The following THSD7A variants were observed in gnomAD, a reference collection of about 807,000 sequenced individuals.
THSD7A encodes the protein thrombospondin type-1 domain-containing protein 7A.
Under a neutral mutation model 231.3 loss-of-function variants are expected in THSD7A, and 96 were observed. The observed-to-expected ratio is 0.41, with a 90% CI of 0.35 to 0.49. The LOEUF (loss-of-function observed/expected upper bound fraction) is 0.49. Ranked by LOEUF, THSD7A falls within the 20% of genes least tolerant of loss-of-function variation. The probability of loss-of-function intolerance (pLI) is 0.05; values close to 1 mark genes in which losing one functional copy is unlikely to be tolerated. For missense variants in THSD7A, 2,290 were observed against 2,070.2 expected (o/e 1.11, Z -2.06); for synonymous variants, 940 against 743.3 (o/e 1.26, Z -4.30).
chr7:11,569,524 T>C (rs555748725), intron 4 of THSD7A, among the ~76,000 whole-genome samples: 21 of 152,220 alleles, frequency 1.4e-4, no homozygotes, highest in African/African-American at 5.1e-4. Context: ...TGAGAAAACA[T>C]AAGAAATGCT....
chr7:11,612,701 A>G (rs927985989), intron 2 of THSD7A, among the ~76,000 whole-genome samples: 2 of 152,206 alleles, frequency 1.3e-5, no homozygotes, highest in Non-Finnish European at 2.9e-5. Context: ...ATCGTAATTT[A>G]TATTCTGATA....
chr7:11,781,769 A>AAAATAGTT (rs1181944657), intron 1 of THSD7A, among the ~76,000 whole-genome samples: 2 of 152,206 alleles, frequency 1.3e-5, no homozygotes, highest in African/African-American at 4.8e-5. Context: ...CCTATTTTGA[A>AAAATAGTT]AAATAGTTGT....
intron 13 of THSD7A, among the ~76,000 whole-genome samples, chr7:11,437,201 G>A (rs530917367): frequency 6.6e-6 from 1 of 152,150 alleles, no homozygotes; most frequent in South Asian, 2.1e-4. Flanking sequence ...TTGAGGTGTC[G>A]GAACATGAAC....
chr7:11,754,638 C>T (rs1222838444), intron 1 of THSD7A, among the ~76,000 whole-genome samples: 1 of 152,040 alleles, frequency 6.6e-6, no homozygotes, highest in African/African-American at 2.4e-5. Flanking sequence ...TCTATTTAAA[C>T]AAATTCTTGT....
intron 11 of THSD7A, among the ~76,000 whole-genome samples, chr7:11,451,759 A>G (rs886529892): frequency 6.6e-6 from 1 of 152,038 alleles, no homozygotes; most frequent in African/African-American, 2.4e-5. Flanking sequence ...GGATGTGTAA[A>G]TGGAAGGCTA....
chr7:11,460,884 C>T, intron 10 of THSD7A, 119 bp from the exon 11 acceptor site: 1 of 698,648 alleles, frequency 1.4e-6, no homozygotes, highest in Non-Finnish European at 2.4e-6. Flanking sequence ...TAGCAATGCT[C>T]AGTTCTATCT....
chr7:11,627,809 C>T (rs1349923762), intron 2 of THSD7A, among the ~76,000 whole-genome samples: 3 of 152,074 alleles, frequency 2.0e-5, no homozygotes, highest in Non-Finnish European at 4.4e-5. Context: ...TGCCTAGTTG[C>T]TCTATCATTT....
At chr7:11,477,509 T>C (rs1442362014) in intron 7 of THSD7A, among the ~76,000 whole-genome samples, 1 of 152,182 alleles carries the variant, frequency 6.6e-6, no homozygotes, top group African/African-American at 2.4e-5. Context: ...ATAACTACAA[T>C]GCTTTTAATG....
At chr7:11,765,142 A>G (rs145790494) in intron 1 of THSD7A, among the ~76,000 whole-genome samples, 177 of 152,322 alleles carry the variant, frequency 1.2e-3, no homozygotes, top group African/African-American at 4.2e-3. Flanking sequence ...ATGTGTAAAT[A>G]AGGTATAGAA....
rs369871298 is a variant in THSD7A, at chr7:11,544,071, C to T, written c.1454-954G>A. Among the ~76,000 whole-genome samples, 39 of 152,202 alleles carry T rather than the reference C, an allele frequency of 2.6e-4. No individual in the cohort carries two copies. In the South Asian group the frequency reaches 7.3e-3, roughly 28 times the overall value. The stretch of plus-strand genomic sequence containing the variant: ...AAAAAATCTAATACATGGCCAGGCA[C>T]GGTGGTTCATGCCTGTAATCCCAGC... On this transcript the variant is annotated intron_variant, in intron 4 of 27. Transcript: ENST00000423059.
intron 1 of THSD7A, among the ~76,000 whole-genome samples, chr7:11,812,451 G>A (rs1215282928): frequency 5.9e-5 from 9 of 152,048 alleles, no homozygotes; most frequent in East Asian, 1.9e-4. Context: ...ATAGGGCAAC[G>A]GATTGTTTAG....
intron 2 of THSD7A, among the ~76,000 whole-genome samples, chr7:11,620,207 TTG>T (rs1395414955): frequency 6.6e-6 from 1 of 152,236 alleles, no homozygotes; most frequent in Non-Finnish European, 1.5e-5. Flanking sequence ...TGAAGTAAAT[TTG>T]TCTCTTAATA....
chr7:11,501,607 A>G (rs1176390009), intron 6 of THSD7A, among the ~76,000 whole-genome samples: 2 of 152,244 alleles, frequency 1.3e-5, no homozygotes, highest in African/African-American at 4.8e-5. Flanking sequence ...AACATGCCAG[A>G]ATCTCTGGGA....
intron 7 of THSD7A, among the ~76,000 whole-genome samples, chr7:11,476,459 A>G (rs1786187066): frequency 6.6e-6 from 1 of 151,972 alleles, no homozygotes; most frequent in African/African-American, 2.4e-5. Flanking sequence ...ATGACATTTC[A>G]ATAATTAGCA....
intron 8 of THSD7A, among the ~76,000 whole-genome samples, chr7:11,471,982 AT>A (rs2128301563): frequency 1.3e-5 from 2 of 152,260 alleles, no homozygotes; most frequent in South Asian, 4.1e-4. Flanking sequence ...AATCAATGAA[AT>A]TTACAATGTT....
chr7:11,648,623 G>T (rs1207754492), intron 1 of THSD7A, among the ~76,000 whole-genome samples: 2 of 106,492 alleles, frequency 1.9e-5, no homozygotes, highest in Non-Finnish European at 4.3e-5. Flanking sequence ...AGCTTGTCAG[G>T]ATCTATTTTG....
intron 1 of THSD7A, among the ~76,000 whole-genome samples, chr7:11,822,394 T>C (rs1784902476): frequency 6.6e-6 from 1 of 152,192 alleles, no homozygotes. Context: ...TTTTTATGGC[T>C]GAATAGTATT....
rs78815356 is a variant in THSD7A at position 11,756,695 on chromosome 7, C to T, written c.190+75062G>A. ...GTTGCATGGATTTGCTTGTTTCTAT[C>T]GGTTTATTAAGCTCTGCAGTAAGCT... is the stretch of plus-strand genomic sequence containing the variant. On this transcript the variant is annotated intron_variant, in intron 1 of 27. Transcript: ENST00000423059. 9.9e-5 allele frequency among the ~76,000 whole-genome samples: 15 copies of T among 152,116 alleles called. No individual in the cohort carries two copies. The East Asian group carries it at 2.7e-3, about 28-fold the overall frequency.
intron 14 of THSD7A, among the ~76,000 whole-genome samples, chr7:11,426,896 TAGC>T (rs1356344843): frequency 6.6e-6 from 1 of 152,148 alleles, no homozygotes; most frequent in Admixed American, 6.5e-5. Context: ...GTATTGTAAA[TAGC>T]AGAGCCAATG....
Sources: gnomAD v4.1 joint callset for allele counts (sites outside exome capture counted in the v4.1 genomes callset) on GRCh38, gnomAD v4.1.1 for gene constraint, MANE v1.5 for transcripts, NCBI Gene and HGNC (gene_info 2026-07-23, HGNC 2026-07-21) for gene names.